Variants in RAB8B observed in about 807,000 individuals in gnomAD.
RAB8B encodes ras-related protein Rab-8B.
Under a neutral mutation model 32.0 loss-of-function variants are expected in RAB8B, and 11 were observed. The ratio of observed to expected loss-of-function variants is 0.34; its 90% CI spans 0.22 to 0.57. The LOEUF (loss-of-function observed/expected upper bound fraction) is 0.57, where lower values mean the gene tolerates loss of function less well. Ranked by LOEUF, RAB8B falls within the 20% of genes least tolerant of loss-of-function variation. RAB8B has a pLI of 0.86. For missense variants in RAB8B, 190 were observed against 258.5 expected, an observed-to-expected ratio of 0.73 and a Z score of 1.82; for synonymous variants, 103 against 89.6, an observed-to-expected ratio of 1.15 and a Z score of -0.85.
chr15:63,250,089 T>C lies in RAB8B; in HGVS notation c.246+384T>C, dbSNP rs147736072. ...AAGAGGAGCTTGCAGTGAGCCGAGA[T>C]TGCGCCACTGCAGTCCGCAGTCTGG... On this transcript the variant is annotated intron_variant, in intron 3 of 7. Transcript: ENST00000321437. Among the ~76,000 whole-genome samples, 106 of 152,284 alleles carry C rather than the reference T, an allele frequency of 7.0e-4. No individual in the cohort carries two copies. The East Asian group carries it at 0.016, about 23-fold the overall frequency.
intron 5 of RAB8B, among the ~76,000 whole-genome samples, chr15:63,258,291 G>A (rs546481189): frequency 3.3e-5 from 5 of 151,980 alleles, no homozygotes; most frequent in African/African-American, 9.6e-5. Context: ...TAGTACAGAC[G>A]GGGTTTCACC....
chr15:63,205,257 G>A lies in RAB8B; in HGVS notation c.124+15509G>A, dbSNP rs144667513. 2.7e-3 allele frequency among the ~76,000 whole-genome samples: 404 copies of A among 152,290 alleles called. 3 individuals are homozygous for A. The highest frequency in any genetic ancestry group is 7.9e-3 in the African/African-American group (329 of 41,552). ...GGAAGTTGCAGTGAGCCGAGATTGC[G>A]CCATTGCACTCCAGCCTGGGTGACA... On this transcript the variant is annotated intron_variant, in intron 1 of 7. Coordinates refer to ENST00000321437, the MANE Select transcript of RAB8B (RefSeq NM_016530.3).
chr15:63,196,462 G>C (rs1300253197), intron 1 of RAB8B, among the ~76,000 whole-genome samples: 1 of 152,252 alleles, frequency 6.6e-6, no homozygotes, highest in South Asian at 2.1e-4. Context: ...TGGGGAGTCA[G>C]TTATCCTTCT....
At chr15:63,232,105 A>G (rs2037941051) in intron 1 of RAB8B, among the ~76,000 whole-genome samples, 1 of 152,180 alleles carries the variant, frequency 6.6e-6, no homozygotes, top group Non-Finnish European at 1.5e-5. Context: ...CCTGAGTTGT[A>G]GCTGTATTAT....
intron 5 of RAB8B, among the ~76,000 whole-genome samples, chr15:63,257,190 C>T (rs1476831629): frequency 2.0e-5 from 3 of 151,894 alleles, no homozygotes; most frequent in South Asian, 4.2e-4. Flanking sequence ...GACTTAGAAG[C>T]TTCACTTTTT....
chr15:63,255,357 T>C (rs750828401), intron 3 of RAB8B, 150 bp from the exon 4 acceptor site: 10 of 515,348 alleles, frequency 1.9e-5, no homozygotes, highest in Non-Finnish European at 2.8e-5. Flanking sequence ...GATTTTTGTT[T>C]CTCTGTACTT....
chr15:63,201,132 A>G (rs902823671), intron 1 of RAB8B, among the ~76,000 whole-genome samples: 1 of 152,178 alleles, frequency 6.6e-6, no homozygotes, highest in Non-Finnish European at 1.5e-5. Flanking sequence ...ACATTAGGTC[A>G]TTATCACTTT....
rs2038235965 is a variant in RAB8B, at chr15:63,265,165, G to A, written c.*1546G>A. 1.3e-5 allele frequency: 2 copies of A among 152,444 alleles called. No homozygotes were observed. Among genetic ancestry groups the A allele is most frequent in the African/African-American group, 4.8e-5 (2 of 41,436 alleles). The allele number at this position is 152,444 out of a possible 1,614,324, so 9.4% of individuals were successfully genotyped here. On this transcript the variant is annotated 3_prime_UTR_variant, in exon 8 of 8. Transcript: ENST00000321437. The surrounding 1 kb of genome is among the most constrained non-coding windows in gnomAD (Gnocchi z 4.9). ...CTTCACAAAGGCTACTATCATGCTG[G>A]ATAGATAAGAACAGGAGATGGCAGT...
At position 63,255,725 on chromosome 15, in the gene RAB8B, A is replaced by G. The variant is rs1595750547; in HGVS notation, c.324+141A>G. The G allele has an allele frequency of 6.4e-6, 4 of 627,022 alleles. No individual in the cohort carries two copies. The East Asian group carries it at 1.1e-4, about 17-fold the overall frequency. 38.8% of individuals were successfully genotyped at this position (627,022 alleles called of 1,614,324 possible). ...GCCCTCTCTCTCTGAAGAGCTCCAT[A>G]AATCTCTGGTGCTGCCAGTCTGACT... is the stretch of plus-strand genomic sequence containing the variant. On this transcript the variant is annotated intron_variant, in intron 4 of 7. Transcript: ENST00000321437.
intron 1 of RAB8B, among the ~76,000 whole-genome samples, chr15:63,236,391 G>A (rs1229980739): frequency 6.6e-6 from 1 of 152,140 alleles, no homozygotes; most frequent in African/African-American, 2.4e-5. Context: ...AATGAGTGTT[G>A]AGGTATATTT....
chr15:63,241,665 A>G (rs1301404252), intron 1 of RAB8B, among the ~76,000 whole-genome samples: 1 of 151,996 alleles, frequency 6.6e-6, no homozygotes, highest in Non-Finnish European at 1.5e-5. Context: ...TTCTGTTTCT[A>G]TGGATTTGGA....
chr15:63,197,608 A>G (rs1406436550), intron 1 of RAB8B, among the ~76,000 whole-genome samples: 3 of 152,138 alleles, frequency 2.0e-5, no homozygotes, highest in African/African-American at 7.2e-5. Context: ...TCCTGAGCTC[A>G]AGTAATCTGT....
At chr15:63,203,697 G>C (rs547990643) in intron 1 of RAB8B, among the ~76,000 whole-genome samples, 1 of 152,142 alleles carries the variant, frequency 6.6e-6, no homozygotes, top group Non-Finnish European at 1.5e-5. Flanking sequence ...CTTGCAACGC[G>C]TCTTAGTTGT....
intron 1 of RAB8B, among the ~76,000 whole-genome samples, chr15:63,190,567 C>G (rs2037547648): frequency 6.6e-6 from 1 of 152,172 alleles, no homozygotes; most frequent in African/African-American, 2.4e-5. Flanking sequence ...TTACCATTTT[C>G]TCTTCACTTC....
chr15:63,199,947 C>T (rs1257431730), intron 1 of RAB8B, among the ~76,000 whole-genome samples: 2 of 152,020 alleles, frequency 1.3e-5, no homozygotes, highest in Non-Finnish European at 2.9e-5. Flanking sequence ...TATGATTTAC[C>T]GTTTTTTGTT....
chr15:63,214,426 G>A (rs2037774972), intron 1 of RAB8B, among the ~76,000 whole-genome samples: 1 of 151,372 alleles, frequency 6.6e-6, no homozygotes, highest in South Asian at 2.1e-4. Flanking sequence ...CGGGTAGCTG[G>A]GATTACAGGC....
At chr15:63,230,270 AT>A (rs1372842005) in intron 1 of RAB8B, among the ~76,000 whole-genome samples, 3 of 152,090 alleles carry the variant, frequency 2.0e-5, no homozygotes, top group African/African-American at 7.2e-5. Context: ...GTTTGCAGTT[AT>A]GTTTGTTTAT....
chr15:63,216,231 ATTAT>A (rs1263304365), intron 1 of RAB8B, among the ~76,000 whole-genome samples: 10 of 44,188 alleles, frequency 2.3e-4, no homozygotes, highest in Non-Finnish European at 3.6e-4. Flanking sequence ...TTAATTAATT[ATTAT>A]TTTTTTTTTT....
intron 1 of RAB8B, among the ~76,000 whole-genome samples, chr15:63,211,947 T>A (rs1404495948): frequency 1.3e-5 from 2 of 152,106 alleles, no homozygotes; most frequent in African/African-American, 2.4e-5. Flanking sequence ...TTCTCCCACC[T>A]CAGCTTCCCA....
Sources: gnomAD v4.1 joint callset for allele counts (sites outside exome capture counted in the v4.1 genomes callset) on GRCh38, gnomAD v4.1.1 for gene constraint, Gnocchi (gnomAD v3.1) non-coding constraint, MANE v1.5 for transcripts, NCBI Gene and HGNC (gene_info 2026-07-23, HGNC 2026-07-21) for gene names.